The following TET3 variants were observed in gnomAD, a reference collection of about 807,000 sequenced individuals.
TET3 encodes the protein methylcytosine dioxygenase TET3.
A neutral mutation model predicts 141.4 loss-of-function variants in TET3; 19 were observed. The observed-to-expected ratio is 0.13, with a 90% CI of 0.09 to 0.20. The LOEUF is 0.20. Ranked by LOEUF, TET3 falls within the 10% of genes least tolerant of loss-of-function variation. The pLI, the probability that TET3 is intolerant of heterozygous loss-of-function variation, is 1.00. For missense variants in TET3, 1,874 were observed against 2,356.9 expected (o/e 0.80, Z 4.24); for synonymous variants, 1,043 against 980.9 (o/e 1.06, Z -1.18).
At position 74,101,371 on chromosome 2, in the gene TET3, C is replaced by T. The variant is rs765453385; in HGVS notation, c.4583C>T (p.Pro1528Leu). 6.2e-7 allele frequency: 1 copy of T among 1,613,938 alleles called. No homozygotes were observed. The highest frequency in any genetic ancestry group is 1.3e-5 in the African/African-American group (1 of 75,058). Reference protein sequence around the residue: ...FGNSTSALAGPSLTEKPWALG... With the variant: ...FGNSTSALAGLSLTEKPWALG... ...AACAGCACCTCGGCCTTGGCTGGGC[C>T]CAGCCTGACTGAGAAGCCGTGGGCG... is the stretch of plus-strand genomic sequence containing the variant. Residue 1528 changes from proline to leucine, a missense_variant, in exon 12 of 12, where the codon CCC becomes CTC. Physicochemically the swap from Pro to Leu is moderately conservative, Grantham distance 98. Around this residue, in one of 10 missense-constraint regions of TET3, gnomAD observed 602 missense variants for 590.2 expected, o/e 1.02. Transcript: ENST00000409262. The surrounding 1 kb of genome is among the most constrained non-coding windows in gnomAD (Gnocchi z 8.5).
At chr2:74,118,886 T>A in the TET3 span, among the ~76,000 whole-genome samples, 4 of 152,336 alleles carry the variant, frequency 2.6e-5, no homozygotes, top group Non-Finnish European at 5.9e-5. Flanking sequence ...TAATATTGAG[T>A]TCATATTCAA....
chr2:74,000,716 C>G (rs1311991672), intron 2 of TET3, among the ~76,000 whole-genome samples: 1 of 152,090 alleles, frequency 6.6e-6, no homozygotes, highest in African/African-American at 2.4e-5. Flanking sequence ...AGAGAAGGAC[C>G]TAGATTTGAA....
chr2:74,085,628 C>T (rs1197612846), intron 6 of TET3, among the ~76,000 whole-genome samples: 1 of 90,792 alleles, frequency 1.1e-5, no homozygotes, highest in Non-Finnish European at 2.1e-5. Context: ...CTCTCACATG[C>T]GCAGTTCATG....
intron 4 of TET3, among the ~76,000 whole-genome samples, chr2:74,061,246 A>G (rs1688524441): frequency 7.7e-6 from 1 of 129,138 alleles, no homozygotes; most frequent in Non-Finnish European, 1.7e-5. Flanking sequence ...CGGGGGGCTG[A>G]CCCCCCCACT....
intron 4 of TET3, among the ~76,000 whole-genome samples, chr2:74,059,640 A>T (rs1456431849): frequency 2.7e-5 from 4 of 149,958 alleles, no homozygotes; most frequent in Non-Finnish European, 5.9e-5. Flanking sequence ...GCAACCATGA[A>T]CTCCTTGGCT....
chr2:74,043,160 G>A (rs189602564), intron 3 of TET3, among the ~76,000 whole-genome samples: 13 of 152,244 alleles, frequency 8.5e-5, no homozygotes, highest in Non-Finnish European at 1.0e-4. Flanking sequence ...TGCTCTTTCC[G>A]TCTTCCTACA....
chr2:74,021,405 T>C (rs987125654), intron 3 of TET3, among the ~76,000 whole-genome samples: 5 of 152,234 alleles, frequency 3.3e-5, no homozygotes, highest in Non-Finnish European at 5.9e-5. Context: ...CAAAGTCTGT[T>C]TCTACACTGC....
chr2:74,033,450 C>G (rs148232659), intron 3 of TET3, among the ~76,000 whole-genome samples: 1 of 152,224 alleles, frequency 6.6e-6, no homozygotes, highest in Non-Finnish European at 1.5e-5. Context: ...TAAGTACATT[C>G]TCAAGTTTCA....
chr2:74,063,668 T>C (rs117754836), intron 4 of TET3, among the ~76,000 whole-genome samples: 1 of 152,200 alleles, frequency 6.6e-6, no homozygotes, highest in East Asian at 1.9e-4. Flanking sequence ...GATGAGTTGT[T>C]CAGTGGGTAT....
At chr2:74,020,447 T>C (rs1685975401) in intron 3 of TET3, among the ~76,000 whole-genome samples, 1 of 152,222 alleles carries the variant, frequency 6.6e-6, no homozygotes. Context: ...GTGTTGGGAT[T>C]ACAGGCATGA....
chr2:73,984,819 G>A (rs1027986749), upstream of TET3, among the ~76,000 whole-genome samples: 2 of 148,020 alleles, frequency 1.4e-5, no homozygotes, highest in Admixed American at 6.7e-5. This position sits in a 1 kb window ranked among gnomAD's most constrained non-coding sequence, Gnocchi z 5.6. Context: ...GGCCCGGCCG[G>A]GCCGGCGGGG....
intron 2 of TET3, among the ~76,000 whole-genome samples, chr2:73,989,457 T>A (rs1305077567): frequency 6.6e-6 from 1 of 152,198 alleles, no homozygotes; most frequent in Non-Finnish European, 1.5e-5. Context: ...TTGCAGTTAC[T>A]TTATATCATC....
chr2:74,124,084 G>A, the TET3 span, among the ~76,000 whole-genome samples: 31,470 of 151,448 alleles, frequency 0.21, 3,541 homozygotes, highest in East Asian at 0.4. Context: ...TCTGCGAAGT[G>A]AGGAGCCCCT....
intron 4 of TET3, among the ~76,000 whole-genome samples, chr2:74,052,739 G>A (rs931793924): frequency 5.3e-5 from 8 of 151,912 alleles, no homozygotes; most frequent in African/African-American, 7.3e-5. Context: ...GCATGGTGGC[G>A]GGTGCCTGTA....
chr2:74,101,267 C>A lies in TET3; in HGVS notation c.4479C>A (p.Phe1493Leu). Residue 1493 changes from phenylalanine (F) to leucine (L), a missense_variant, in exon 12 of 12, where the codon TTC becomes TTA. Around this residue, in one of 10 missense-constraint regions of TET3, gnomAD observed 602 missense variants for 590.2 expected, o/e 1.02. Coordinates refer to ENST00000409262, the MANE Select transcript of TET3 (RefSeq NM_001287491.2). The surrounding 1 kb of genome is among the most constrained non-coding windows in gnomAD (Gnocchi z 8.5). ...TCACAGATGGCCAGTGGGGGCTGTT[C>A]CCCGGTGAGGGGCAGCAGGCAGCTT... ...SHFTDGQWGL[F>L]PGEGQQAASH... is the part of the protein sequence containing the mutation. 6.2e-7 allele frequency: 1 copy of A among 1,612,532 alleles called. No homozygotes were observed. Among genetic ancestry groups the A allele is most frequent in the Non-Finnish European group, 8.5e-7 (1 of 1,179,344 alleles).
At chr2:74,034,574 TTAAAA>T (rs1226216679) in intron 3 of TET3, among the ~76,000 whole-genome samples, 7 of 129,128 alleles carry the variant, frequency 5.4e-5, no homozygotes, top group African/African-American at 2.4e-4. Flanking sequence ...CGAGCATTGA[TTAAAA>T]AAAAAAAAAA....
chr2:74,071,726 A>G (rs1448379994), intron 4 of TET3, among the ~76,000 whole-genome samples: 1 of 152,174 alleles, frequency 6.6e-6, no homozygotes, highest in Non-Finnish European at 1.5e-5. Context: ...GTCTTCTTAG[A>G]TATGAAGCAA....
chr2:74,007,461 A>G (rs34961871), intron 3 of TET3, among the ~76,000 whole-genome samples: 17,638 of 152,220 alleles, frequency 0.12, 1,117 homozygotes, highest in African/African-American at 0.14. Flanking sequence ...TTGGCATTAG[A>G]TGTTTCGGAT....
chr2:74,067,558 G>A (rs531755089), intron 4 of TET3, among the ~76,000 whole-genome samples: 72 of 152,300 alleles, frequency 4.7e-4, no homozygotes, highest in African/African-American at 1.4e-3. Flanking sequence ...TAACAATTAC[G>A]TAACAATTAT....
Sources: allele counts gnomAD v4.1 joint callset (sites outside exome capture counted in the v4.1 genomes callset), GRCh38; gene constraint gnomAD v4.1.1; regional missense constraint gnomAD v4.1.1; non-coding constraint Gnocchi (gnomAD v3.1); transcripts MANE v1.5; gene names NCBI Gene and HGNC (gene_info 2026-07-23, HGNC 2026-07-21).